ZNF804B: variants seen among roughly 807,000 people sequenced by gnomAD.
ZNF804B encodes the protein zinc finger 804B.
ZNF804B carries 80 observed loss-of-function variants against 101.4 expected under a neutral mutation model. The observed-to-expected ratio is 0.79, with a 90% CI of 0.66 to 0.95. ZNF804B has a LOEUF of 0.95. Ranked by LOEUF, ZNF804B falls within the 40% of genes least tolerant of loss-of-function variation. The pLI is 0.00. For missense variants in ZNF804B, 1,673 were observed against 1,561.9 expected (o/e 1.07, Z -1.20); for synonymous variants, 622 against 558.8 (o/e 1.11, Z -1.59).
chr7:89,155,017 T>C (rs1010399829), intron 1 of ZNF804B, among the ~76,000 whole-genome samples: 5 of 152,144 alleles, frequency 3.3e-5, no homozygotes, highest in African/African-American at 1.2e-4. Flanking sequence ...TCCATCAATG[T>C]ATGTACCAAC....
At chr7:89,204,969 A>G (rs1411327794) in intron 1 of ZNF804B, among the ~76,000 whole-genome samples, 1 of 152,160 alleles carries the variant, frequency 6.6e-6, no homozygotes, top group East Asian at 1.9e-4. Flanking sequence ...TTTATAAAGG[A>G]AAGAGGCTTA....
chr7:88,884,452 ATCTATCT>A (rs1251245804), intron 1 of ZNF804B, among the ~76,000 whole-genome samples: 2 of 151,758 alleles, frequency 1.3e-5, no homozygotes, highest in African/African-American at 4.8e-5. Context: ...ATCTGTATCT[ATCTATCT>A]TCTATCTATC....
At chr7:89,073,856 G>T (rs1448193867) in intron 1 of ZNF804B, among the ~76,000 whole-genome samples, 1 of 152,092 alleles carries the variant, frequency 6.6e-6, no homozygotes, top group Non-Finnish European at 1.5e-5. Context: ...AGGGATTCAG[G>T]TAATATTCAA....
intron 1 of ZNF804B, among the ~76,000 whole-genome samples, chr7:89,197,568 C>T: frequency 6.6e-6 from 1 of 151,816 alleles, no homozygotes; most frequent in East Asian, 1.9e-4. Context: ...TTCATATTAT[C>T]TACTTTTTTG....
At chr7:88,786,518 A>G (rs1278868705) in intron 1 of ZNF804B, among the ~76,000 whole-genome samples, 1 of 152,100 alleles carries the variant, frequency 6.6e-6, no homozygotes, top group Non-Finnish European at 1.5e-5. Flanking sequence ...CTTTGGGCTA[A>G]TTCCTCTTTT....
chr7:88,834,523 G>A (rs1412236281), intron 1 of ZNF804B, among the ~76,000 whole-genome samples: 1 of 151,630 alleles, frequency 6.6e-6, no homozygotes, highest in Non-Finnish European at 1.5e-5. Context: ...GTAATAGAAA[G>A]TTCTTGAAGA....
intron 1 of ZNF804B, among the ~76,000 whole-genome samples, chr7:88,990,755 G>A (rs943645439): frequency 6.6e-6 from 1 of 152,046 alleles, no homozygotes; most frequent in African/African-American, 2.4e-5. Context: ...CACTTTTACT[G>A]TATGAGTTTT....
chr7:89,149,400 A>T lies in ZNF804B; in HGVS notation c.109-68755A>T, dbSNP rs796738214. Reference sequence around the variant, plus strand: ...AAACTCACAAATCTGTCATTCCCTTAAGTTAATTATAGTTACCCTATGTTT... The same window carrying T: ...AAACTCACAAATCTGTCATTCCCTTTAGTTAATTATAGTTACCCTATGTTT... On this transcript the variant is annotated intron_variant, in intron 1 of 3. Transcript: ENST00000333190. Among the ~76,000 whole-genome samples the T allele has an allele frequency of 5.3e-5, 8 of 152,178 alleles. No individual in the cohort carries two copies. In the South Asian group the frequency reaches 1.7e-3, roughly 32 times the overall value.
At chr7:88,778,386 A>G (rs1188380646) in intron 1 of ZNF804B, among the ~76,000 whole-genome samples, 8 of 152,186 alleles carry the variant, frequency 5.3e-5, no homozygotes. Context: ...AATCCCATCT[A>G]TAAAGTCTCT....
chr7:88,846,724 G>A (rs190872914), intron 1 of ZNF804B, among the ~76,000 whole-genome samples: 1 of 151,962 alleles, frequency 6.6e-6, no homozygotes. Flanking sequence ...ATGTCTATAT[G>A]TGAGACTACC....
chr7:88,790,339 C>T (rs1790359510), intron 1 of ZNF804B, among the ~76,000 whole-genome samples: 1 of 151,966 alleles, frequency 6.6e-6, no homozygotes, highest in Admixed American at 6.6e-5. Flanking sequence ...TAAATGTATG[C>T]CATGGTGGTT....
intron 2 of ZNF804B, among the ~76,000 whole-genome samples, chr7:89,293,828 A>G (rs1049468794): frequency 2.6e-5 from 4 of 152,194 alleles, no homozygotes; most frequent in African/African-American, 9.6e-5. Flanking sequence ...AAATGGAAAC[A>G]TGAGAAGCTC....
At chr7:88,961,816 A>G (rs982794607) in intron 1 of ZNF804B, among the ~76,000 whole-genome samples, 3 of 151,500 alleles carry the variant, frequency 2.0e-5, no homozygotes, top group Middle Eastern at 3.4e-3. Flanking sequence ...AGGGAAAGGC[A>G]TTTTAAATTA....
At chr7:88,899,784 C>T (rs189249983) in intron 1 of ZNF804B, among the ~76,000 whole-genome samples, 1 of 152,220 alleles carries the variant, frequency 6.6e-6, no homozygotes, top group East Asian at 1.9e-4. Context: ...CCCATATCTC[C>T]TTCTATGTAC....
intron 1 of ZNF804B, among the ~76,000 whole-genome samples, chr7:89,171,462 T>C (rs1791236740): frequency 6.6e-6 from 1 of 151,426 alleles, no homozygotes; most frequent in Non-Finnish European, 1.5e-5. Flanking sequence ...TTCGACAGAG[T>C]CTTCCTCTGT....
intron 2 of ZNF804B, among the ~76,000 whole-genome samples, chr7:89,244,203 C>T (rs769706466): frequency 2.6e-5 from 4 of 151,970 alleles, no homozygotes; most frequent in Admixed American, 6.6e-5. Context: ...TGGTATTCAA[C>T]AGTTGGGAAA....
intron 1 of ZNF804B, among the ~76,000 whole-genome samples, chr7:88,870,168 C>T (rs997527193): frequency 9.3e-5 from 14 of 150,968 alleles, no homozygotes; most frequent in Non-Finnish European, 2.1e-4. Flanking sequence ...GGGCGGATCA[C>T]GAGGTCAGGA....
At chr7:88,875,579 C>G (rs1014206897) in intron 1 of ZNF804B, among the ~76,000 whole-genome samples, 4 of 151,770 alleles carry the variant, frequency 2.6e-5, no homozygotes, top group African/African-American at 9.7e-5. Flanking sequence ...ATAAATTCCT[C>G]GACACATACA....
At chr7:88,760,491 T>C (rs912234041) in intron 1 of ZNF804B, among the ~76,000 whole-genome samples, 2 of 152,230 alleles carry the variant, frequency 1.3e-5, no homozygotes, top group African/African-American at 4.8e-5. Context: ...TTAATAATGC[T>C]ACTGTTACTT....
Sources: allele counts gnomAD v4.1 joint callset (sites outside exome capture counted in the v4.1 genomes callset), GRCh38; gene constraint gnomAD v4.1.1; transcripts MANE v1.5; gene names NCBI Gene and HGNC (gene_info 2026-07-23, HGNC 2026-07-21).